Variants in MAP2K5 observed in about 807,000 individuals in gnomAD.
MAP2K5 encodes the protein dual specificity mitogen-activated protein kinase kinase 5.
MAP2K5 carries 49 observed loss-of-function variants against 83.1 expected under a neutral mutation model. The observed-to-expected ratio is 0.59, with a 90% confidence interval of 0.47 to 0.75. The LOEUF is 0.75. Among genes scored for constraint, MAP2K5 ranks in the 30% least tolerant of loss-of-function variants. The pLI, the probability that MAP2K5 is intolerant of heterozygous loss-of-function variation, is 0.00. For synonymous variants in MAP2K5, 202 were observed against 191.8 expected, an observed-to-expected ratio of 1.05 and a Z score of -0.44; for missense variants, 457 against 557.5, an observed-to-expected ratio of 0.82 and a Z score of 1.82.
chr15:67,554,928 T>C (rs1181542371), intron 2 of MAP2K5, among the ~76,000 whole-genome samples: 2 of 152,190 alleles, frequency 1.3e-5, no homozygotes, highest in East Asian at 3.8e-4. Flanking sequence ...TGGTTGGTGG[T>C]GGACAGTTCA....
chr15:67,568,557 C>G (rs182403672), intron 3 of MAP2K5, among the ~76,000 whole-genome samples: 154 of 152,298 alleles, frequency 1.0e-3, no homozygotes, highest in African/African-American at 3.5e-3. Context: ...GATACAGACT[C>G]TCAGTCTCTT....
intron 19 of MAP2K5, among the ~76,000 whole-genome samples, chr15:67,753,557 A>C (rs2089768516): frequency 1.3e-5 from 2 of 152,258 alleles, no homozygotes; most frequent in African/African-American, 4.8e-5. Context: ...TTCTCTGAAG[A>C]AGATAAACAA....
chr15:67,685,980 T>C (rs910884211), intron 13 of MAP2K5, among the ~76,000 whole-genome samples: 1 of 152,230 alleles, frequency 6.6e-6, no homozygotes, highest in Non-Finnish European at 1.5e-5. Flanking sequence ...TATCCACTTA[T>C]GACTCTTTAC....
At position 67,785,325 on chromosome 15, in the gene MAP2K5, G is replaced by A. The variant is rs1315555332; in HGVS notation, c.1242+12573G>A. On this transcript the variant is annotated intron_variant, in intron 21 of 21. Coordinates refer to ENST00000178640, the MANE Select transcript of MAP2K5 (RefSeq NM_145160.3). This position sits in a 1 kb window ranked among gnomAD's most constrained non-coding sequence, Gnocchi z 4.4. ...AGCCTGTCTGAAAGCATTCTGTTTA[G>A]TTCAGTTCAGCTTTTTGGAGCAAAA... 2.0e-5 allele frequency among the ~76,000 whole-genome samples: 3 copies of A among 152,220 alleles called. No individual in the cohort carries two copies. Among genetic ancestry groups the A allele is most frequent in the Admixed American group, 6.5e-5 (1 of 15,278 alleles).
At position 67,746,434 on chromosome 15, in the gene MAP2K5, G is replaced by A. The variant is rs373106048; in HGVS notation, c.1075-1797G>A. 1.3e-5 allele frequency among the ~76,000 whole-genome samples: 2 copies of A among 151,740 alleles called. No homozygotes were observed. The highest frequency in any genetic ancestry group is 2.4e-5 in the African/African-American group (1 of 41,260). ...TATATCTTACTAGGAATGTAGGGGT[G>A]GGGGGAGTATCAGTGTGTGCTTGAA... On this transcript the variant is annotated intron_variant, in intron 17 of 21. Transcript: ENST00000178640. The surrounding 1 kb of genome is among the most constrained non-coding windows in gnomAD (Gnocchi z 4.1).
rs769946210 is a variant in MAP2K5, at chr15:67,543,419, G to T, written c.84G>T (p.Ala28=). 1.2e-6 allele frequency: 2 copies of T among 1,614,156 alleles called. No individual in the cohort carries two copies. Among genetic ancestry groups the T allele is most frequent in the East Asian group, 4.5e-5 (2 of 44,878 alleles). ...VIRIKIPNSG[A]VDWTVHSGPQ... is the part of the protein sequence containing the mutation. ...GCATCAAGATCCCAAATAGTGGCGC[G>T]GTGGACTGGACAGTGCACTCCGGGC... The change falls in exon 1 of 22, where the codon GCG becomes GCT. Residue 28 remains alanine (A), a synonymous_variant. Coordinates refer to ENST00000178640, the MANE Select transcript of MAP2K5 (RefSeq NM_145160.3). The surrounding 1 kb of genome is among the most constrained non-coding windows in gnomAD (Gnocchi z 4.3).
Position 67,785,133 on chromosome 15 carries a change from C to T in MAP2K5, c.1242+12381C>T, listed in dbSNP as rs1291349322. On this transcript the variant is annotated intron_variant, in intron 21 of 21. Coordinates refer to ENST00000178640, the MANE Select transcript of MAP2K5 (RefSeq NM_145160.3). This position sits in a 1 kb window ranked among gnomAD's most constrained non-coding sequence, Gnocchi z 4.4. ...CTAATTTTTGTATTTTCAGTAGAGA[C>T]GGGGTTTCCCCATGTTGCCCAGGCT... 4.6e-5 allele frequency among the ~76,000 whole-genome samples: 7 copies of T among 152,234 alleles called. No homozygotes were observed. Among genetic ancestry groups the T allele is most frequent in the South Asian group, 4.1e-4 (2 of 4,822 alleles).
At chr15:67,773,084 A>G (rs1011372534) in intron 21 of MAP2K5, among the ~76,000 whole-genome samples, 6 of 152,182 alleles carry the variant, frequency 3.9e-5, no homozygotes, top group African/African-American at 1.4e-4. Flanking sequence ...TCAGTGCAAT[A>G]AGTTTTTAGT....
chr15:67,664,611 T>C lies in MAP2K5; in HGVS notation c.813T>C (p.Leu271=), dbSNP rs746088138. 3.8e-6 allele frequency: 6 copies of C among 1,589,646 alleles called. No homozygotes were observed. The East Asian group carries it at 1.3e-4, about 36-fold the overall frequency. ...CCTAAATTTAGGTTGTTAAAGGCCT[T>C]ACTTATTTGTGGAGTTTAAAGATTT... ...GRIAVAVVKG[L]TYLWSLKILH... is the part of the protein sequence containing the mutation. The change falls in exon 13 of 22, where the codon CTT becomes CTC. Residue 271 remains leucine (L), a synonymous_variant. Coordinates refer to ENST00000178640, the MANE Select transcript of MAP2K5 (RefSeq NM_145160.3).
intron 13 of MAP2K5, among the ~76,000 whole-genome samples, chr15:67,687,977 G>A (rs201155786): frequency 1.3e-5 from 2 of 152,168 alleles, no homozygotes; most frequent in Non-Finnish European, 2.9e-5. Context: ...AAAGGGAAAG[G>A]AAGTATCTGA....
chr15:67,647,887 A>C (rs922857095), intron 11 of MAP2K5, among the ~76,000 whole-genome samples: 3 of 151,076 alleles, frequency 2.0e-5, no homozygotes, highest in Non-Finnish European at 4.4e-5. Context: ...TAAAAAAAGG[A>C]AAATTAGCTA....
intron 11 of MAP2K5, among the ~76,000 whole-genome samples, chr15:67,648,875 G>A (rs1376338458): frequency 3.9e-5 from 6 of 152,104 alleles, no homozygotes; most frequent in South Asian, 2.1e-4. Context: ...CACTGCACCC[G>A]GTCAGTGTTT....
At chr15:67,553,586 A>G (rs971803272) in intron 2 of MAP2K5, among the ~76,000 whole-genome samples, 5 of 152,184 alleles carry the variant, frequency 3.3e-5, no homozygotes, top group Admixed American at 2.6e-4. Flanking sequence ...TTTCTGAACC[A>G]GAAATCCGAA....
In MAP2K5 at chr15:67,731,121, A is replaced by G. The variant is rs2089209985; in HGVS notation, c.1074+3176A>G. Among the ~76,000 whole-genome samples, 4 of 152,210 alleles carry G rather than the reference A, an allele frequency of 2.6e-5. No homozygotes were observed. The South Asian group carries it at 8.3e-4, about 32-fold the overall frequency. On this transcript the variant is annotated intron_variant, in intron 17 of 21. Transcript: ENST00000178640. ...GCTATCAATCATAGGTTGTAAAAGGATGTTCTTAGCAACATGCCAGCCACA... is the reference window on the plus strand; with the variant it reads ...GCTATCAATCATAGGTTGTAAAAGGGTGTTCTTAGCAACATGCCAGCCACA...
Position 67,781,299 on chromosome 15 carries a change from T to C in MAP2K5, c.1242+8547T>C, listed in dbSNP as rs902143433. On this transcript the variant is annotated intron_variant, in intron 21 of 21. Coordinates refer to ENST00000178640, the MANE Select transcript of MAP2K5 (RefSeq NM_145160.3). The surrounding 1 kb of genome is among the most constrained non-coding windows in gnomAD (Gnocchi z 4.0). ...GGAATTTTAAGAGCTGGGGAAAATA[T>C]TAGAAAGCTCCTATTTACAGTTGTG... Among the ~76,000 whole-genome samples, 55 of 152,318 alleles carry C rather than the reference T, an allele frequency of 3.6e-4. No homozygotes were observed. Among genetic ancestry groups the C allele is most frequent in the African/African-American group, 1.3e-3 (53 of 41,564 alleles).
At chr15:67,599,093 C>T (rs2085593897) in intron 7 of MAP2K5, among the ~76,000 whole-genome samples, 1 of 152,202 alleles carries the variant, frequency 6.6e-6, no homozygotes, top group South Asian at 2.1e-4. Flanking sequence ...TTATGTGCTA[C>T]TTTTCTTCAT....
chr15:67,748,221 C>CT lies in MAP2K5; in HGVS notation c.1075-4dup. 1 of 1,600,208 alleles carries CT rather than the reference C, an allele frequency of 6.2e-7. No individual in the cohort carries two copies. The highest frequency in any genetic ancestry group is 8.6e-7 in the Non-Finnish European group (1 of 1,168,310). On this transcript the variant is annotated splice_polypyrimidine_tract_variant and intron_variant, in intron 17 of 21. Coordinates refer to ENST00000178640, the MANE Select transcript of MAP2K5 (RefSeq NM_145160.3). The surrounding 1 kb of genome is among the most constrained non-coding windows in gnomAD (Gnocchi z 4.0). ...TTATGACATGCTAATTACATATTGC[C>CT]TTTTTTCAGATTCAGAAAAACCAGG... is the stretch of plus-strand genomic sequence containing the variant.
At chr15:67,753,320 G>A (rs1267661077) in intron 19 of MAP2K5, among the ~76,000 whole-genome samples, 1 of 152,108 alleles carries the variant, frequency 6.6e-6, no homozygotes, top group African/African-American at 2.4e-5. Context: ...AAGAGCACAA[G>A]CAAACAAAAA....
At chr15:67,548,312 A>C (rs946484420) in intron 1 of MAP2K5, among the ~76,000 whole-genome samples, 6 of 152,210 alleles carry the variant, frequency 3.9e-5, no homozygotes, top group Admixed American at 3.9e-4. Flanking sequence ...TTAAACCTAC[A>C]CTGGCTAGAA....
Sources: allele counts gnomAD v4.1 joint callset (sites outside exome capture counted in the v4.1 genomes callset), GRCh38; gene constraint gnomAD v4.1.1; non-coding constraint Gnocchi (gnomAD v3.1); transcripts MANE v1.5; gene names NCBI Gene and HGNC (gene_info 2026-07-23, HGNC 2026-07-21).